Variants in TP63 observed in about 807,000 individuals in gnomAD.
TP63 encodes the protein tumor protein 63.
TP63 carries 17 observed loss-of-function variants against 82.8 expected under a neutral mutation model. The ratio of observed to expected loss-of-function variants is 0.21; its 90% CI spans 0.14 to 0.31. The LOEUF (loss-of-function observed/expected upper bound fraction) is 0.31, where lower values mean the gene tolerates loss of function less well. Ranked by LOEUF, TP63 falls within the 10% of genes least tolerant of loss-of-function variation. The pLI is 1.00. For missense variants in TP63, 648 were observed against 895.3 expected, an observed-to-expected ratio of 0.72 and a Z score of 3.52; for synonymous variants, 330 against 321.7, an observed-to-expected ratio of 1.03 and a Z score of -0.28.
intron 4 of TP63, among the ~76,000 whole-genome samples, chr3:189,852,977 C>A (rs1715839811): frequency 6.6e-6 from 1 of 152,186 alleles, no homozygotes; most frequent in Non-Finnish European, 1.5e-5. Context: ...CTTGGGTGCA[C>A]AATCCAATTG....
chr3:189,747,141 G>A (rs1035272293), intron 3 of TP63, among the ~76,000 whole-genome samples: 64 of 152,140 alleles, frequency 4.2e-4, no homozygotes, highest in South Asian at 4.2e-4. Context: ...AAAGACTTCA[G>A]TACAGTAATA....
chr3:189,815,396 G>A (rs1450413017), intron 4 of TP63, among the ~76,000 whole-genome samples: 1 of 152,118 alleles, frequency 6.6e-6, no homozygotes, highest in Non-Finnish European at 1.5e-5. Flanking sequence ...CGAATGATAA[G>A]TACAGAAACT....
chr3:189,622,301 G>A, the TP63 span, among the ~76,000 whole-genome samples: 1 of 152,196 alleles, frequency 6.6e-6, no homozygotes, highest in African/African-American at 2.4e-5. Flanking sequence ...AGGACTCTGA[G>A]ATTTTTGACT....
intron 4 of TP63, chr3:189,844,161 C>G (rs1714536565): frequency 2.7e-6 from 1 of 366,570 alleles, no homozygotes; most frequent in Non-Finnish European, 5.3e-6. Flanking sequence ...GAAATGAACA[C>G]TTTTCCTTTT....
intron 1 of TP63, among the ~76,000 whole-genome samples, chr3:189,718,881 A>G (rs1489203868): frequency 1.3e-5 from 2 of 152,168 alleles, no homozygotes; most frequent in Non-Finnish European, 2.9e-5. Context: ...CAAAAACAAA[A>G]AAACAATGTA....
At chr3:189,752,350 G>GT (rs747193375) in intron 3 of TP63, among the ~76,000 whole-genome samples, 2 of 151,672 alleles carry the variant, frequency 1.3e-5, no homozygotes, top group East Asian at 1.9e-4. Flanking sequence ...ACTTTTTGTA[G>GT]TTTTTTTGTA....
At chr3:189,832,905 A>G (rs918779617) in intron 4 of TP63, among the ~76,000 whole-genome samples, 1 of 152,204 alleles carries the variant, frequency 6.6e-6, no homozygotes, top group Admixed American at 6.5e-5. Flanking sequence ...AGCACTTCCT[A>G]CTAGTATTCT....
intron 1 of TP63, among the ~76,000 whole-genome samples, chr3:189,735,223 C>G (rs1720489589): frequency 6.6e-6 from 1 of 152,142 alleles, no homozygotes; most frequent in Non-Finnish European, 1.5e-5. Flanking sequence ...CTAAGTGGAG[C>G]CCCACGTGCC....
At chr3:189,657,018 TG>T (rs201413590) in intron 1 of TP63, among the ~76,000 whole-genome samples, 5,617 of 35,628 alleles carry the variant, frequency 0.16, 140 homozygotes, top group Non-Finnish European at 0.31. Context: ...TTATGAAGCA[TG>T]CAAAAAAAAA....
rs1455400820 is a variant in TP63, at chr3:189,741,164, A to G, written c.324+2390A>G. Among the ~76,000 whole-genome samples the G allele has an allele frequency of 5.3e-5, 8 of 152,044 alleles. No homozygotes were observed. In the East Asian group the frequency reaches 1.6e-3, roughly 30 times the overall value. On this transcript the variant is annotated intron_variant, in intron 3 of 13. Transcript: ENST00000264731. ...TAAAGGTAGAGTGAGAAAGAATTTA[A>G]CTGAATAAACTTGCCTATCTGTGGC...
At chr3:189,777,926 G>T (rs1196863351) in intron 3 of TP63, among the ~76,000 whole-genome samples, 1 of 130,756 alleles carries the variant, frequency 7.6e-6, no homozygotes, top group East Asian at 2.4e-4. Context: ...CTGGATCTCA[G>T]CTCACTGCAA....
At chr3:189,708,318 G>C (rs1718348897) in intron 1 of TP63, among the ~76,000 whole-genome samples, 1 of 152,114 alleles carries the variant, frequency 6.6e-6, no homozygotes, top group Non-Finnish European at 1.5e-5. Flanking sequence ...CTGTTGTTTC[G>C]TGAACAACAG....
At chr3:189,609,937 G>A in the TP63 span, among the ~76,000 whole-genome samples, 3 of 152,160 alleles carry the variant, frequency 2.0e-5, no homozygotes, top group Non-Finnish European at 4.4e-5. Context: ...TCTGCTTTTA[G>A]CTCTTTGAGG....
intron 1 of TP63, among the ~76,000 whole-genome samples, chr3:189,660,367 C>G (rs1713765866): frequency 6.6e-6 from 1 of 151,842 alleles, no homozygotes; most frequent in African/African-American, 2.4e-5. Context: ...AGGTGTATGG[C>G]TGTCTGTCTG....
intron 4 of TP63, among the ~76,000 whole-genome samples, chr3:189,826,924 A>T (rs948272868): frequency 4.6e-5 from 7 of 152,212 alleles, no homozygotes; most frequent in Admixed American, 1.3e-4. Context: ...ATTGAAGAAA[A>T]ACAGATATAA....
At chr3:189,851,324 C>T (rs142739024) in intron 4 of TP63, among the ~76,000 whole-genome samples, 1 of 152,118 alleles carries the variant, frequency 6.6e-6, no homozygotes, top group Non-Finnish European at 1.5e-5. Context: ...TTTGGGAGGC[C>T]GAGGCAGGTA....
At chr3:189,832,875 T>A (rs1457950437) in intron 4 of TP63, among the ~76,000 whole-genome samples, 8 of 152,214 alleles carry the variant, frequency 5.3e-5, no homozygotes, top group African/African-American at 1.9e-4. Flanking sequence ...AGTCTAGGGA[T>A]GAGTGATCCT....
At chr3:189,874,562 TA>T (rs1718815470) in intron 10 of TP63, among the ~76,000 whole-genome samples, 2 of 152,196 alleles carry the variant, frequency 1.3e-5, no homozygotes, top group Non-Finnish European at 2.9e-5. Flanking sequence ...ACTTTTAGCA[TA>T]AAAGTTTTGC....
chr3:189,875,621 T>TATATAC (rs1560289540), intron 10 of TP63, among the ~76,000 whole-genome samples: 10 of 101,400 alleles, frequency 9.9e-5, no homozygotes, highest in Non-Finnish European at 1.7e-4. Flanking sequence ...TATATATATA[T>TATATAC]ATATATATAT....
Sources: gnomAD v4.1 joint callset for allele counts (sites outside exome capture counted in the v4.1 genomes callset) on GRCh38, gnomAD v4.1.1 for gene constraint, MANE v1.5 for transcripts, NCBI Gene and HGNC (gene_info 2026-07-23, HGNC 2026-07-21) for gene names.